The following CLUH variants were observed in gnomAD, a reference collection of about 807,000 sequenced individuals.
CLUH encodes the protein CLUH binding protein of NUMT mRNA, also known as clustered mitochondria protein homolog.
Under a neutral mutation model 139.3 loss-of-function variants are expected in CLUH, and 77 were observed. The ratio of observed to expected loss-of-function variants is 0.55; its 90% CI spans 0.46 to 0.67. The LOEUF (loss-of-function observed/expected upper bound fraction) is 0.67. CLUH is among the 30% of genes least tolerant of loss of function. The pLI, the probability that CLUH is intolerant of heterozygous loss-of-function variation, is 0.00. For synonymous variants in CLUH, 999 were observed against 801.6 expected (o/e 1.25, Z -4.16); for missense variants, 1,876 against 1,875.8 (o/e 1.00, Z 0.00).
Position 2,692,552 on chromosome 17 carries a change from C to A in CLUH, c.3438+19G>T. 6.2e-7 allele frequency: 1 copy of A among 1,605,672 alleles called. No individual in the cohort carries two copies. Among genetic ancestry groups the A allele is most frequent in the South Asian group, 1.1e-5 (1 of 90,714 alleles). ...GGGATGGAGCTGGGTCCCTGCCGCC[C>A]CCCCGCCCCAGCACTCACGTCCAGC... On this transcript the variant is annotated intron_variant, in intron 21 of 25. Coordinates refer to ENST00000651024, the MANE Select transcript of CLUH (RefSeq NM_001366661.1).
At position 2,697,973 on chromosome 17, in the gene CLUH, G is replaced by A. The variant is rs1025420923; in HGVS notation, c.1884C>T (p.Arg628=). ...GCCGGTGGGCGCGGGGGAAGCCGGC[G>A]CGGGCGCATTCCTCAGGCAGCTCCT... The part of the protein sequence containing the change: ...PGEELPEECA[R]AGFPRAHRHK... The change falls in exon 10 of 26, where the codon CGC becomes CGT. Residue 628 remains arginine, a synonymous_variant. Transcript: ENST00000651024. The A allele has an allele frequency of 6.1e-5, 96 of 1,579,560 alleles. No homozygotes were observed. Among genetic ancestry groups the A allele is most frequent in the Non-Finnish European group, 7.9e-5 (92 of 1,168,520 alleles).
rs755892871 is a variant in CLUH at position 2,700,690 on chromosome 17, G to A, written c.1161C>T (p.His387=). 1.6e-5 allele frequency: 25 copies of A among 1,527,090 alleles called. No homozygotes were observed. Among genetic ancestry groups the A allele is most frequent in the Non-Finnish European group, 2.1e-5 (24 of 1,141,706 alleles). 94.6% of individuals were successfully genotyped at this position (1,527,090 alleles called of 1,614,324 possible). ...AYTSRLGYEE[H]IPGQTRDWNE... is the part of the protein sequence containing the mutation. ...AGGTTGCAGGCACCTGTCCAGGAAT[G>A]TGCTCCTCATAGCCCAGCCTCGAGG... Residue 387 remains histidine (H), a synonymous_variant, in exon 8 of 26, where the codon CAC becomes CAT. Coordinates refer to ENST00000651024, the MANE Select transcript of CLUH (RefSeq NM_001366661.1).
In CLUH at chr17:2,709,131, G is replaced by C. The variant is rs1023818352; in HGVS notation, c.100+2431C>G. Among the ~76,000 whole-genome samples, 6 of 152,282 alleles carry C rather than the reference G, an allele frequency of 3.9e-5. No individual in the cohort carries two copies. The East Asian group carries it at 9.7e-4, about 25-fold the overall frequency. ...CAAAGGCGGCAGAGAGGAGGAACTA[G>C]AAAAGAAACTTAGGCCTCCCAGAGG... On this transcript the variant is annotated intron_variant, in intron 1 of 25. Transcript: ENST00000651024.
chr17:2,692,292 C>T, intron 22 of CLUH, 69 bp downstream of exon 22: 1 of 1,473,890 alleles, frequency 6.8e-7, no homozygotes, highest in South Asian at 1.3e-5. Flanking sequence ...CACTGGGTCT[C>T]TTCCCCGCCC....
chr17:2,711,375 A>G (rs1048061113), intron 1 of CLUH, among the ~76,000 whole-genome samples, 187 bp downstream of exon 1: 5 of 151,964 alleles, frequency 3.3e-5, no homozygotes, highest in African/African-American at 1.2e-4. Context: ...CACGTGCGAA[A>G]CCCGGGCCGC....
intron 23 of CLUH, 49 bp downstream of exon 23, chr17:2,691,955 C>CCGCCCCCGCCCCCGCCCCCGCCCCCGCG (rs1486318615): frequency 2.3e-6 from 1 of 441,780 alleles, no homozygotes; most frequent in African/African-American, 3.0e-5. Context: ...GCCCCCGCCC[C>CCGCCCCCGCCCCCGCCCCCGCCCCCGCG]GCCACGCCCC....
rs1555529479 is a variant in CLUH, at chr17:2,691,967, GCCCCGCCCCCGC to G, written c.3654+25_3654+36del. 130 of 728,664 alleles carry G rather than the reference GCCCCGCCCCCGC, an allele frequency of 1.8e-4. 1 individual carries two copies. Among genetic ancestry groups the G allele is most frequent in the African/African-American group, 9.0e-4 (26 of 28,750 alleles). 45.1% of individuals were successfully genotyped at this position (728,664 alleles called of 1,614,324 possible). A position where few individuals can be genotyped will look rare whatever the true frequency, so the allele number is the denominator to read the frequency against. ...CCCGCCCCCGCCCCGCCACGCCCCC[GCCCCGCCCCCGC>G]CCCCGCCACGCCCCCGCCGCGCACC... is the stretch of plus-strand genomic sequence containing the variant. On this transcript the variant is annotated intron_variant, in intron 23 of 25. Coordinates refer to ENST00000651024, the MANE Select transcript of CLUH (RefSeq NM_001366661.1).
At chr17:2,697,537 GCCATTTCC>G (rs143050254) in intron 10 of CLUH, among the ~76,000 whole-genome samples, 152 of 152,278 alleles carry the variant, frequency 1.0e-3, no homozygotes, top group African/African-American at 3.0e-3. Flanking sequence ...CTCTGACATG[GCCATTTCC>G]CCATTTCCTA....
chr17:2,696,058 C>A, intron 13 of CLUH, 101 bp downstream of exon 13: 1 of 961,382 alleles, frequency 1.0e-6, no homozygotes, highest in South Asian at 1.6e-5. Context: ...CTGAAAAAGT[C>A]ACTCCTGCGA....
At position 2,690,844 on chromosome 17, in the gene CLUH, C is replaced by T. The variant is rs2069597578; in HGVS notation, c.3864-67G>A. The T allele has an allele frequency of 3.9e-6, 5 of 1,294,124 alleles. No homozygotes were observed. The South Asian group carries it at 7.0e-5, about 18-fold the overall frequency. 80.2% of individuals were successfully genotyped at this position (1,294,124 alleles called of 1,614,324 possible). On this transcript the variant is annotated intron_variant, in intron 25 of 25. Transcript: ENST00000651024. ...CCTGGGGGCTCCACCCGCCTCCCGG[C>T]TTTCCTGTGGGATAAGCTCAGGCTC...
In CLUH at chr17:2,700,454, C is replaced by T. The variant is rs2070136481; in HGVS notation, c.1194G>A (p.Glu398=). ...IPGQTRDWNE[E]LQTTRELPRK... is the part of the protein sequence containing the mutation. The stretch of plus-strand genomic sequence containing the variant: ...GAGGCAGCTCCCTCGTCGTCTGCAG[C>T]TCCTCATTCCAGTCTCGGGTCTGCA... The change falls in exon 9 of 26, where the codon GAG becomes GAA. Residue 398 remains glutamate, a synonymous_variant. Transcript: ENST00000651024. The T allele has an allele frequency of 6.2e-7, 1 of 1,612,820 alleles. No individual in the cohort carries two copies. The highest frequency in any genetic ancestry group is 8.5e-7 in the Non-Finnish European group (1 of 1,179,694).
At chr17:2,695,687 C>T (rs962628983) in intron 13 of CLUH, 161 bp from the exon 14 acceptor site, 14 of 995,476 alleles carry the variant, frequency 1.4e-5, no homozygotes, top group South Asian at 5.1e-5. Flanking sequence ...CTGGCAGGAG[C>T]GCAGGCCAAG....
intron 9 of CLUH, among the ~76,000 whole-genome samples, chr17:2,699,235 A>G (rs1198263844): frequency 6.6e-6 from 1 of 152,214 alleles, no homozygotes; most frequent in Non-Finnish European, 1.5e-5. Flanking sequence ...AATAGTCTCT[A>G]TAACGCACTT....
chr17:2,708,429 C>T (rs1160070262), intron 1 of CLUH, among the ~76,000 whole-genome samples: 3 of 152,080 alleles, frequency 2.0e-5, no homozygotes, highest in East Asian at 3.9e-4. Context: ...CTCTGATTAC[C>T]ACAGAGCCAG....
intron 22 of CLUH, 82 bp downstream of exon 22, chr17:2,692,279 G>A: frequency 2.7e-6 from 4 of 1,464,408 alleles, no homozygotes; most frequent in Non-Finnish European, 3.6e-6. Context: ...AGGAAGACAG[G>A]AGCACTGGGT....
At chr17:2,692,300 C>A in intron 22 of CLUH, 61 bp downstream of exon 22, 2 of 1,478,864 alleles carry the variant, frequency 1.4e-6, no homozygotes, top group East Asian at 4.9e-5. Context: ...CTCTTCCCCG[C>A]CCCCGCCGGC....
In CLUH at chr17:2,692,676, G is replaced by C; in HGVS notation, c.3333C>G (p.Cys1111Trp). The C allele has an allele frequency of 6.2e-7, 1 of 1,612,012 alleles. No homozygotes were observed. Among genetic ancestry groups the C allele is most frequent in the South Asian group, 1.1e-5 (1 of 90,990 alleles). Residue 1111 changes from cysteine (C) to tryptophan (W), a missense_variant, in exon 21 of 26, where the codon TGC (cysteine) becomes TGG (tryptophan). Transcript: ENST00000651024. ...CGGTGGACAGCTGGCTGCTGGCGAA[G>C]CAGTACAGGGCCAGGTGCATCTGCG... ...IQEYMHLALY[C>W]FASSQLSTAL...
At chr17:2,696,013 C>G (rs986385050) in intron 13 of CLUH, 146 bp downstream of exon 13, 3 of 671,626 alleles carry the variant, frequency 4.5e-6, no homozygotes. Flanking sequence ...GTCAGGCTCC[C>G]CATCTGTCAA....
At chr17:2,697,772 C>CT (rs2070015486) in intron 10 of CLUH, 124 bp downstream of exon 10, 1 of 947,848 alleles carries the variant, frequency 1.1e-6, no homozygotes, top group African/African-American at 1.7e-5. Flanking sequence ...ATGACTGTGG[C>CT]TAGACGGAGC....
Sources: allele counts gnomAD v4.1 joint callset (sites outside exome capture counted in the v4.1 genomes callset), GRCh38; gene constraint gnomAD v4.1.1; transcripts MANE v1.5; gene names NCBI Gene and HGNC (gene_info 2026-07-23, HGNC 2026-07-21).